HMCN2: variants seen among roughly 807,000 people sequenced by gnomAD.
HMCN2 encodes hemicentin 2.
Under a neutral mutation model 377.5 loss-of-function variants are expected in HMCN2, and 325 were observed. That is an observed-to-expected ratio of 0.86 (90% confidence interval 0.79 to 0.94). The LOEUF (loss-of-function observed/expected upper bound fraction) is 0.94. Among genes scored for constraint, HMCN2 ranks in the 40% least tolerant of loss-of-function variants. The pLI is 0.00. For missense variants in HMCN2, 4,543 were observed against 4,725.3 expected, an observed-to-expected ratio of 0.96 and a Z score of 1.13; for synonymous variants, 2,007 against 2,046.8, an observed-to-expected ratio of 0.98 and a Z score of 0.53.
chr9:130,363,956 AAAAG>A lies in HMCN2; in HGVS notation c.6233-756_6233-753del, dbSNP rs1388577410. On this transcript the variant is annotated intron_variant, in intron 40 of 97. Coordinates refer to ENST00000683500, the MANE Select transcript of HMCN2 (RefSeq NM_001291815.2). The stretch of plus-strand genomic sequence containing the variant: ...AAGGAAGGAAGGAAAGAGAAAGAAA[AAAAG>A]AGAAGGAAGGAAGGAAAGAAAGAAA... Among the ~76,000 whole-genome samples the A allele has an allele frequency of 4.6e-5, 7 of 151,934 alleles. No individual in the cohort carries two copies. The South Asian group carries it at 1.3e-3, about 27-fold the overall frequency.
chr9:130,430,415 C>T lies in HMCN2; in HGVS notation c.14458C>T (p.Arg4820Trp), dbSNP rs573687742. The change falls in exon 95 of 98, where the codon CGG becomes TGG. Residue 4820 changes from arginine to tryptophan, a missense_variant. By Grantham distance (101) the Arg-to-Trp change is moderately radical (BLOSUM62 -3). Transcript: ENST00000683500. ...CGGCAAGGCCTGCACCTCACTGGAG[C>T]GGAATGGACAAAATGTGACCACCGT... ...RDGKACTSLE[R>W]NGQNVTTVSH... The T allele has an allele frequency of 4.8e-5, 74 of 1,550,482 alleles. No individual in the cohort carries two copies. The East Asian group carries it at 1.1e-3, about 24-fold the overall frequency.
At chr9:130,358,605 AC>A in intron 36 of HMCN2, 119 bp downstream of exon 36, 1 of 888,102 alleles carries the variant, frequency 1.1e-6, no homozygotes. Flanking sequence ...ATAGTTGTGC[AC>A]TTAACTTCAG....
chr9:130,284,725 A>G (rs1368986455), intron 2 of HMCN2, 52 bp downstream of exon 2: 7 of 470,322 alleles, frequency 1.5e-5, no homozygotes, highest in South Asian at 1.1e-4. Context: ...TGTCCCACCA[A>G]TAGGGTTTGG....
At chr9:130,386,619 A>G (rs1407330323) in intron 61 of HMCN2, 95 bp downstream of exon 61, 28 of 619,764 alleles carry the variant, frequency 4.5e-5, no homozygotes, top group Non-Finnish European at 6.8e-5. Flanking sequence ...GGGCAGAGGC[A>G]GTGCTGCCAA....
intron 96 of HMCN2, among the ~76,000 whole-genome samples, chr9:130,431,715 C>A (rs10125942): frequency 1.3e-5 from 2 of 152,228 alleles, no homozygotes; most frequent in African/African-American, 4.8e-5. Context: ...CGGGCAGGCT[C>A]TGAAAGCAGC....
chr9:130,370,995 G>C lies in HMCN2; in HGVS notation c.7101G>C (p.Pro2367=). The change falls in exon 46 of 98, where the codon CCG becomes CCC. Residue 2367 remains proline, a synonymous_variant. Coordinates refer to ENST00000683500, the MANE Select transcript of HMCN2 (RefSeq NM_001291815.2). ...VPPELIGDLD[P]LTNITAALHS... is the part of the protein sequence containing the mutation. ...CAGAGCTCATTGGAGACTTGGACCC[G>C]CTGACCAACATCACTGCTGCCTTGC... 7 of 986,088 alleles carry C rather than the reference G, an allele frequency of 7.1e-6. No homozygotes were observed. Among genetic ancestry groups the C allele is most frequent in the Non-Finnish European group, 8.4e-6 (7 of 830,126 alleles). 61.1% of individuals were successfully genotyped at this position (986,088 alleles called of 1,614,324 possible).
intron 1 of HMCN2, among the ~76,000 whole-genome samples, chr9:130,271,553 C>A (rs1489159939): frequency 6.7e-6 from 1 of 149,244 alleles, no homozygotes; most frequent in South Asian, 2.2e-4. Context: ...TTCTGTGTCC[C>A]TTGGACACCC....
At chr9:130,387,008 A>T (rs1170700371) in intron 61 of HMCN2, among the ~76,000 whole-genome samples, 1 of 152,224 alleles carries the variant, frequency 6.6e-6, no homozygotes, top group Non-Finnish European at 1.5e-5. Context: ...GACAGTGTCT[A>T]TAAAGTGCTG....
rs1271597120 is a variant in HMCN2 at position 130,352,597 on chromosome 9, C to T, written c.4586-330C>T. Among the ~76,000 whole-genome samples, 3 of 152,156 alleles carry T rather than the reference C, an allele frequency of 2.0e-5. No homozygotes were observed. In the East Asian group the frequency reaches 5.8e-4, roughly 29 times the overall value. On this transcript the variant is annotated intron_variant, in intron 30 of 97. Transcript: ENST00000683500. Reference sequence around the variant, plus strand: ...TGTGTGAAGTCCTCATCTAGTCCAGCCTCTCATTTCACAGATGGGGAGACT... The same window carrying T: ...TGTGTGAAGTCCTCATCTAGTCCAGTCTCTCATTTCACAGATGGGGAGACT...
intron 56 of HMCN2, among the ~76,000 whole-genome samples, chr9:130,383,149 G>T (rs953521341): frequency 6.6e-6 from 1 of 152,144 alleles, no homozygotes; most frequent in Admixed American, 6.5e-5. Context: ...CAGCTGGCGC[G>T]TGCAGAGCCG....
At chr9:130,317,850 G>A (rs1837646340) in intron 15 of HMCN2, among the ~76,000 whole-genome samples, 1 of 151,922 alleles carries the variant, frequency 6.6e-6, no homozygotes, top group African/African-American at 2.4e-5. Context: ...GCTGTTTGGG[G>A]CTAAGGAGGG....
chr9:130,383,721 G>A, intron 57 of HMCN2, 121 bp downstream of exon 57: 1 of 324,342 alleles, frequency 3.1e-6, no homozygotes, highest in Non-Finnish European at 4.4e-6. Flanking sequence ...GATCCCAGCT[G>A]GCCCCAGCCA....
intron 4 of HMCN2, among the ~76,000 whole-genome samples, chr9:130,291,453 G>T (rs571763436): frequency 2.6e-5 from 4 of 152,194 alleles, no homozygotes; most frequent in African/African-American, 7.2e-5. Context: ...AAGGTGATCC[G>T]CCTGCCTCGG....
chr9:130,317,037 T>G (rs1001707513), intron 15 of HMCN2, among the ~76,000 whole-genome samples: 14 of 151,432 alleles, frequency 9.2e-5, no homozygotes, highest in Admixed American at 3.3e-4. Flanking sequence ...TCTGCGTGGG[T>G]CCAGGGCACA....
At position 130,361,309 on chromosome 9, in the gene HMCN2, A is replaced by G. The variant is rs1466889055; in HGVS notation, c.5951-699A>G. ...AACAGGGCACTGACTTGGCCTGTGG[A>G]GTCCAGGAGGCATCTTTGACACTTG... On this transcript the variant is annotated intron_variant, in intron 38 of 97. Transcript: ENST00000683500. This position sits in a 1 kb window ranked among gnomAD's most constrained non-coding sequence, Gnocchi z 4.8. Among the ~76,000 whole-genome samples, 2 of 152,232 alleles carry G rather than the reference A, an allele frequency of 1.3e-5. No homozygotes were observed. The highest frequency in any genetic ancestry group is 4.8e-5 in the African/African-American group (2 of 41,472).
At position 130,384,785 on chromosome 9, in the gene HMCN2, G is replaced by A. The variant is rs960371615; in HGVS notation, c.9093G>A (p.Gln3031=). 4 of 1,303,286 alleles carry A rather than the reference G, an allele frequency of 3.1e-6. No homozygotes were observed. Among genetic ancestry groups the A allele is most frequent in the Middle Eastern group, 2.1e-4 (1 of 4,720 alleles). The allele number at this position is 1,303,286 out of a possible 1,614,324, so 80.7% of individuals were successfully genotyped here. ...CCGGCCGAGACCAGAAGCTGGTGCA[G>A]CTCAGTGTTCTGGGTATGTCCATGT... ...NAAGRDQKLV[Q]LSVLVPPAFR... Residue 3031 remains glutamine, a synonymous_variant, in exon 59 of 98, where the codon CAG becomes CAA. Coordinates refer to ENST00000683500, the MANE Select transcript of HMCN2 (RefSeq NM_001291815.2).
rs753835064 is a variant in HMCN2 at position 130,431,360 on chromosome 9, G to T, written c.14648-7G>T. On this transcript the variant is annotated splice_polypyrimidine_tract_variant and splice_region_variant and intron_variant, in intron 95 of 97. Coordinates refer to ENST00000683500, the MANE Select transcript of HMCN2 (RefSeq NM_001291815.2). ...CCCCACCTGCCCCACCCCCATGCCCGGGCCAGACCTTGACGAGTGCCGCGT... is the reference window on the plus strand; with the variant it reads ...CCCCACCTGCCCCACCCCCATGCCCTGGCCAGACCTTGACGAGTGCCGCGT... 1 of 1,543,612 alleles carries T rather than the reference G, an allele frequency of 6.5e-7. No individual in the cohort carries two copies.
Position 130,397,527 on chromosome 9 carries a change from G to C in HMCN2, c.11199-1G>C. On this transcript the variant is annotated splice_acceptor_variant, in intron 73 of 97. Coordinates refer to ENST00000683500, the MANE Select transcript of HMCN2 (RefSeq NM_001291815.2). LOFTEE classifies it high-confidence loss of function. The stretch of plus-strand genomic sequence containing the variant: ...TCCAGGGCAACCCCCATCCATTCTA[G>C]GTTTGAAATTCTGCCTGAGGGTTCC... 7.8e-7 allele frequency: 1 copy of C among 1,289,810 alleles called. No individual in the cohort carries two copies. Among genetic ancestry groups the C allele is most frequent in the Non-Finnish European group, 1.0e-6 (1 of 988,858 alleles). 79.9% of individuals were successfully genotyped at this position (1,289,810 alleles called of 1,614,324 possible). A position where few individuals can be genotyped will look rare whatever the true frequency, so the allele number is the denominator to read the frequency against.
Position 130,422,656 on chromosome 9 carries a change from C to G in HMCN2, c.13311C>G (p.Ser4437Arg). Residue 4437 changes from serine (S) to arginine (R), a missense_variant, in exon 87 of 98, where the codon AGC (serine) becomes AGG (arginine). Physicochemically the swap from Ser to Arg is moderately radical, Grantham distance 110. This residue lies in a region of HMCN2 where 1,155 missense variants were observed against 1,157.7 expected (regional missense o/e 1.00). Coordinates refer to ENST00000683500, the MANE Select transcript of HMCN2 (RefSeq NM_001291815.2). This position sits in a 1 kb window ranked among gnomAD's most constrained non-coding sequence, Gnocchi z 4.2. ...TTGGCGTGGCCACACTCAACACCAG[C>G]GTGATGCAGGAGGCACACTCCGGGG... The part of the protein sequence containing the change: ...RKFGVATLNT[S>R]VMQEAHSGVS... The G allele has an allele frequency of 7.6e-7, 1 of 1,323,922 alleles. No homozygotes were observed. 82.0% of individuals were successfully genotyped at this position (1,323,922 alleles called of 1,614,324 possible). A position where few individuals can be genotyped will look rare whatever the true frequency, so the allele number is the denominator to read the frequency against.
Sources: allele counts gnomAD v4.1 joint callset (sites outside exome capture counted in the v4.1 genomes callset), GRCh38; gene constraint gnomAD v4.1.1; regional missense constraint gnomAD v4.1.1; non-coding constraint Gnocchi (gnomAD v3.1); transcripts MANE v1.5; gene names NCBI Gene and HGNC (gene_info 2026-07-23, HGNC 2026-07-21).